The following IVNS1ABP variants were observed in gnomAD, a reference collection of about 807,000 sequenced individuals.
IVNS1ABP encodes influenza virus NS1A-binding protein.
In IVNS1ABP, 25 loss-of-function variants were observed where a neutral mutation model predicts 78.9. That is an observed-to-expected ratio of 0.32 (90% CI 0.23 to 0.44). IVNS1ABP has a LOEUF of 0.44. IVNS1ABP is among the 20% of genes least tolerant of loss of function. The pLI is 1.00. For synonymous variants in IVNS1ABP, 241 were observed against 259.7 expected (o/e 0.93, Z 0.69); for missense variants, 494 against 768.9 (o/e 0.64, Z 4.23).
At chr1:185,306,731 A>T in intron 7 of IVNS1ABP, 1 of 906,844 alleles carries the variant, frequency 1.1e-6, no homozygotes, top group Non-Finnish European at 1.4e-6. Flanking sequence ...TCTACAGAAA[A>T]TTTCAGTACC....
rs1665818823 is a variant in IVNS1ABP, at chr1:185,309,135, A to G, written c.149T>C (p.Leu50Pro). 1 of 1,608,836 alleles carries G rather than the reference A, an allele frequency of 6.2e-7. No individual in the cohort carries two copies. The highest frequency in any genetic ancestry group is 8.5e-7 in the Non-Finnish European group (1 of 1,178,090). Residue 50 changes from leucine (L) to proline (P), a missense_variant, in exon 4 of 15, where the codon CTA becomes CCA. By Grantham distance (98) the Leu-to-Pro change is moderately conservative. Transcript: ENST00000367498. ...AAATAAATAGGGACTGCAGCAAGCT[A>G]GCACTGCTCTGTGTGCTAACATTTC... ...GHEMLAHRAV[L>P]ACCSPYLFEI... is the part of the protein sequence containing the mutation.
At chr1:185,316,347 C>T (rs998174211) in intron 1 of IVNS1ABP, among the ~76,000 whole-genome samples, 2 of 152,188 alleles carry the variant, frequency 1.3e-5, no homozygotes, top group South Asian at 2.1e-4. Context: ...CCCTTCTCCC[C>T]GCGCTTGGCA....
Position 185,296,745 on chromosome 1 carries a change from G to GC in IVNS1ABP, c.*1289_*1290insG, listed in dbSNP as rs1553272202. On this transcript the variant is annotated 3_prime_UTR_variant, in exon 15 of 15. Transcript: ENST00000367498. ...TTCCTGTGTGCTTCATCTTCTGTGA[G>GC]AAAAAAAAACCTTATATCATTCCTT... 6.6e-6 allele frequency: 1 copy of GC among 150,496 alleles called. No homozygotes were observed. Among genetic ancestry groups the GC allele is most frequent in the East Asian group, 1.9e-4 (1 of 5,156 alleles). 9.3% of individuals were successfully genotyped at this position (150,496 alleles called of 1,614,324 possible). A position where few individuals can be genotyped will look rare whatever the true frequency, so the allele number is the denominator to read the frequency against.
At chr1:185,311,921 AG>A (rs747272876) in intron 1 of IVNS1ABP, among the ~76,000 whole-genome samples, 2 of 152,224 alleles carry the variant, frequency 1.3e-5, no homozygotes, top group African/African-American at 2.4e-5. Context: ...ACCCTATCTG[AG>A]GGGTATTTAT....
At position 185,301,394 on chromosome 1, in the gene IVNS1ABP, A is replaced by C. The variant is rs925642967; in HGVS notation, c.895+40T>G. The C allele has an allele frequency of 3.7e-6, 6 of 1,606,566 alleles. No individual in the cohort carries two copies. The African/African-American group carries it at 6.7e-5, about 18-fold the overall frequency. Reference sequence around the variant, plus strand: ...ATTGGCAACACTCCTTCTTAAAAATAGGTAAGCTGAAAACAATCTGGCAAG... The same window carrying C: ...ATTGGCAACACTCCTTCTTAAAAATCGGTAAGCTGAAAACAATCTGGCAAG... On this transcript the variant is annotated intron_variant, in intron 9 of 14. Transcript: ENST00000367498.
intron 14 of IVNS1ABP, 84 bp downstream of exon 14, chr1:185,299,626 A>T: frequency 8.0e-7 from 1 of 1,242,380 alleles, no homozygotes; most frequent in Non-Finnish European, 1.2e-6. Flanking sequence ...CTGTACAACT[A>T]TAGTCATTGG....
Position 185,301,119 on chromosome 1 carries a change from T to A in IVNS1ABP, c.973A>T (p.Ser325Cys). The A allele has an allele frequency of 1.2e-6, 2 of 1,613,524 alleles. No individual in the cohort carries two copies. Among genetic ancestry groups the A allele is most frequent in the Non-Finnish European group, 1.7e-6 (2 of 1,179,706 alleles). The change falls in exon 10 of 15, where the codon AGC becomes TGC. Residue 325 changes from serine to cysteine, a missense_variant. Physicochemically the swap from Ser to Cys is moderately radical, Grantham distance 112. Transcript: ENST00000367498. ...IFLHGRNSPQ[S>C]SPTSTPKLSK... ...AGTTTTGGAGTACTTGTTGGTGAGC[T>A]CTGTGGGCTGTTTCTCCCATGAAGA...
In IVNS1ABP at chr1:185,307,640, G is replaced by A; in HGVS notation, c.380C>T (p.Ser127Phe). The A allele has an allele frequency of 6.2e-7, 1 of 1,613,288 alleles. No homozygotes were observed. The highest frequency in any genetic ancestry group is 8.5e-7 in the Non-Finnish European group (1 of 1,179,552). Residue 127 changes from serine (S) to phenylalanine (F), a missense_variant, in exon 6 of 15, where the codon TCT becomes TTT. By Grantham distance (155) the Ser-to-Phe change is radical. Transcript: ENST00000367498. ...VKQVCGDYLLSRMDVTSCISY... is the reference protein window; with the variant it reads ...VKQVCGDYLLFRMDVTSCISY... The stretch of plus-strand genomic sequence containing the variant: ...GATGCAGCTGGTAACATCCATTCTA[G>A]ACAGTAAATAATCACCACAAACCTT...
At chr1:185,306,784 G>A (rs918687036) in intron 7 of IVNS1ABP, 2 of 666,604 alleles carry the variant, frequency 3.0e-6, no homozygotes, top group Non-Finnish European at 4.5e-6. Flanking sequence ...TTTAAAGAAA[G>A]TTAACAGCAC....
Position 185,297,890 on chromosome 1 carries a change from G to C in IVNS1ABP, c.*145C>G. ...CAAATAAACCCAAAAAGTATGTACA[G>C]CATGTTTAATAGTATGCAATATGCA... On this transcript the variant is annotated 3_prime_UTR_variant, in exon 15 of 15. Transcript: ENST00000367498. The C allele has an allele frequency of 1.4e-6, 1 of 722,362 alleles. No individual in the cohort carries two copies. Among genetic ancestry groups the C allele is most frequent in the South Asian group, 1.8e-5 (1 of 54,348 alleles). 44.7% of individuals were successfully genotyped at this position (722,362 alleles called of 1,614,324 possible).
chr1:185,301,925 A>C (rs1665612740), intron 8 of IVNS1ABP, among the ~76,000 whole-genome samples: 1 of 152,170 alleles, frequency 6.6e-6, no homozygotes, highest in Non-Finnish European at 1.5e-5. Flanking sequence ...AATAGTGTGA[A>C]TTAACAGAGA....
chr1:185,298,236 C>A lies in IVNS1ABP; in HGVS notation c.1728G>T (p.Val576=). ...CATTTCTAGTTGGATCATACATTTCCACACAACTGATGGCATGAGAACCAT... is the reference window on the plus strand; with the variant it reads ...CATTTCTAGTTGGATCATACATTTCAACACAACTGATGGCATGAGAACCAT... ...GFDGSHAISC[V]EMYDPTRNEW... is the part of the protein sequence containing the mutation. The change falls in exon 15 of 15, where the codon GTG becomes GTT. Residue 576 remains valine (V), a synonymous_variant. Coordinates refer to ENST00000367498, the MANE Select transcript of IVNS1ABP (RefSeq NM_006469.5). The surrounding 1 kb of genome is among the most constrained non-coding windows in gnomAD (Gnocchi z 4.1). 6.2e-7 allele frequency: 1 copy of A among 1,613,554 alleles called. No homozygotes were observed. The highest frequency in any genetic ancestry group is 1.1e-5 in the South Asian group (1 of 91,078).
intron 5 of IVNS1ABP, among the ~76,000 whole-genome samples, chr1:185,308,320 T>C (rs1665792829): frequency 6.6e-6 from 1 of 152,156 alleles, no homozygotes; most frequent in African/African-American, 2.4e-5. Context: ...ATGGCTGTGT[T>C]TGAATAAAAC....
Position 185,299,839 on chromosome 1 carries a change from T to A in IVNS1ABP, c.1546A>T (p.Ile516Leu). Reference protein sequence around the residue: ...AVCELGGYLYIIGGAESWNCL... With the variant: ...AVCELGGYLYLIGGAESWNCL... Reference sequence around the variant, plus strand: ...TTCCAAGATTCTGCACCTCCGATTATGTACAAATAACCACCAAGCTCACAG... The same window carrying A: ...TTCCAAGATTCTGCACCTCCGATTAAGTACAAATAACCACCAAGCTCACAG... The change falls in exon 14 of 15, where the codon ATA (isoleucine) becomes TTA (leucine). Residue 516 changes from isoleucine (I) to leucine (L), a missense_variant. Ile to Leu is a conservative substitution (Grantham distance 5). Coordinates refer to ENST00000367498, the MANE Select transcript of IVNS1ABP (RefSeq NM_006469.5). The A allele has an allele frequency of 6.2e-7, 1 of 1,613,742 alleles. No individual in the cohort carries two copies. Among genetic ancestry groups the A allele is most frequent in the Admixed American group, 1.7e-5 (1 of 59,914 alleles).
Position 185,301,120 on chromosome 1 carries a change from C to A in IVNS1ABP, c.972G>T (p.Gln324His). 1.2e-6 allele frequency: 2 copies of A among 1,613,472 alleles called. No homozygotes were observed. The highest frequency in any genetic ancestry group is 1.7e-6 in the Non-Finnish European group (2 of 1,179,710). ...VIFLHGRNSP[Q>H]SSPTSTPKLS... Reference sequence around the variant, plus strand: ...GTTTTGGAGTACTTGTTGGTGAGCTCTGTGGGCTGTTTCTCCCATGAAGAA... The same window carrying A: ...GTTTTGGAGTACTTGTTGGTGAGCTATGTGGGCTGTTTCTCCCATGAAGAA... The change falls in exon 10 of 15, where the codon CAG becomes CAT. Residue 324 changes from glutamine to histidine, a missense_variant. Transcript: ENST00000367498.
rs192175333 is a variant in IVNS1ABP, at chr1:185,312,438, C to G, written c.-246-1116G>C. ...AGATTATTTGCCTTATACATCAATA[C>G]AACAATTCTAAATCTAACAATTACG... On this transcript the variant is annotated intron_variant, in intron 1 of 14. Transcript: ENST00000367498. Among the ~76,000 whole-genome samples the G allele has an allele frequency of 1.7e-3, 263 of 152,270 alleles. 1 individual carries two copies. The highest frequency in any genetic ancestry group is 6.2e-3 in the African/African-American group (257 of 41,562).
rs1474410521 is a variant in IVNS1ABP, at chr1:185,317,039, A to C, written c.-333T>G. The C allele has an allele frequency of 2.5e-6, 1 of 398,762 alleles. No homozygotes were observed. The highest frequency in any genetic ancestry group is 4.4e-6 in the Non-Finnish European group (1 of 226,394). The allele number at this position is 398,762 out of a possible 1,614,324, so 24.7% of individuals were successfully genotyped here. ...AAGCGGGCGGGAATCGGCCCAACGG[A>C]AAGCGCCAGAAGGCGGCGGAAGACG... On this transcript the variant is annotated 5_prime_UTR_variant, in exon 1 of 15. Coordinates refer to ENST00000367498, the MANE Select transcript of IVNS1ABP (RefSeq NM_006469.5).
rs746067438 is a variant in IVNS1ABP at position 185,299,727 on chromosome 1, C to G, written c.1658G>C (p.Gly553Ala). 1.2e-6 allele frequency: 2 copies of G among 1,613,616 alleles called. No individual in the cohort carries two copies. The highest frequency in any genetic ancestry group is 1.7e-6 in the Non-Finnish European group (2 of 1,179,762). The part of the protein sequence containing the change: ...APMNVARRGA[G>A]VAVLNGKLFV... ...ACACTCACCATTAAGAACAGCCACT[C>G]CAGCTCCTCGCCTAGCCACATTCAT... Residue 553 changes from glycine (G) to alanine (A), a missense_variant, in exon 14 of 15, where the codon GGA (glycine) becomes GCA (alanine). Gly to Ala is a moderately conservative substitution (Grantham distance 60). Coordinates refer to ENST00000367498, the MANE Select transcript of IVNS1ABP (RefSeq NM_006469.5).
At chr1:185,316,375 G>T (rs1666022552) in intron 1 of IVNS1ABP, among the ~76,000 whole-genome samples, 1 of 152,172 alleles carries the variant, frequency 6.6e-6, no homozygotes, top group African/African-American at 2.4e-5. Context: ...CGGGCAACGT[G>T]GAGCGGGAAC....
Sources: allele counts gnomAD v4.1 joint callset (sites outside exome capture counted in the v4.1 genomes callset), GRCh38; gene constraint gnomAD v4.1.1; non-coding constraint Gnocchi (gnomAD v3.1); transcripts MANE v1.5; gene names NCBI Gene and HGNC (gene_info 2026-07-23, HGNC 2026-07-21).